Variants in STOX2 observed in about 807,000 individuals in gnomAD.
The protein encoded by STOX2 is storkhead-box protein 2.
A neutral mutation model predicts 60.9 loss-of-function variants in STOX2; 28 were observed. The ratio of observed to expected loss-of-function variants is 0.46; its 90% CI spans 0.34 to 0.63. STOX2 has a LOEUF of 0.63. STOX2 is among the 30% of genes least tolerant of loss of function. STOX2 has a pLI of 0.01. For synonymous variants in STOX2, 472 were observed against 463.9 expected (o/e 1.02, Z -0.22); for missense variants, 1,024 against 1,187.7 (o/e 0.86, Z 2.03).
At chr4:183,894,098 C>T (rs1048672613) in intron 1 of STOX2, among the ~76,000 whole-genome samples, 4 of 152,264 alleles carry the variant, frequency 2.6e-5, no homozygotes, top group East Asian at 3.9e-4. Flanking sequence ...CTGCAGTGAG[C>T]GGTGATCATG....
intron 1 of STOX2, among the ~76,000 whole-genome samples, chr4:183,962,719 C>G (rs1743448815): frequency 6.6e-6 from 1 of 152,058 alleles, no homozygotes; most frequent in African/African-American, 2.4e-5. Flanking sequence ...AGTAGCTTAG[C>G]AAAAGACTTT....
At chr4:183,973,311 A>G (rs1474558193) in intron 1 of STOX2, among the ~76,000 whole-genome samples, 1 of 152,208 alleles carries the variant, frequency 6.6e-6, no homozygotes, top group African/African-American at 2.4e-5. Context: ...AAAAATATTG[A>G]AAGCAAATAG....
intron 1 of STOX2, among the ~76,000 whole-genome samples, chr4:183,980,854 T>C (rs1010119126): frequency 6.6e-6 from 1 of 152,198 alleles, no homozygotes; most frequent in South Asian, 2.1e-4. Context: ...CATATTTTTT[T>C]CCCAATTCCA....
rs937990146 is a variant in STOX2, at chr4:184,018,593, C to T, written c.*1309C>T. ...TATGCCAGAGTAATGTTTACAGATACTTTGTAACCAATTTCAGGAGGCGTT... is the reference window on the plus strand; with the variant it reads ...TATGCCAGAGTAATGTTTACAGATATTTTGTAACCAATTTCAGGAGGCGTT... On this transcript the variant is annotated 3_prime_UTR_variant, in exon 4 of 4. Coordinates refer to ENST00000308497, the MANE Select transcript of STOX2 (RefSeq NM_020225.3). 6.6e-6 allele frequency: 1 copy of T among 152,158 alleles called. No individual in the cohort carries two copies. The allele number at this position is 152,158 out of a possible 1,614,324, so 9.4% of individuals were successfully genotyped here.
rs559394992 is a variant in STOX2, at chr4:184,002,246, A to G, written c.319+769A>G. ...ATGTTTTAATGTCTGTGTGCCAGCA[A>G]CATGCAAGTCAAATGAAATACATTA... On this transcript the variant is annotated intron_variant, in intron 2 of 3. Coordinates refer to ENST00000308497, the MANE Select transcript of STOX2 (RefSeq NM_020225.3). Among the ~76,000 whole-genome samples, 115 of 152,366 alleles carry G rather than the reference A, an allele frequency of 7.5e-4. 1 individual carries two copies. Among genetic ancestry groups the G allele is most frequent in the Non-Finnish European group, 1.2e-3 (80 of 68,030 alleles).
intron 1 of STOX2, among the ~76,000 whole-genome samples, chr4:183,893,911 G>A (rs2111185944): frequency 6.6e-6 from 1 of 152,308 alleles, no homozygotes; most frequent in South Asian, 2.1e-4. Context: ...GTTGGCTCTG[G>A]GAGGCCAAGT....
At chr4:183,989,071 AAAT>A (rs1326424325) in intron 1 of STOX2, among the ~76,000 whole-genome samples, 1 of 152,124 alleles carries the variant, frequency 6.6e-6, no homozygotes, top group Non-Finnish European at 1.5e-5. Flanking sequence ...TGCCAATAGG[AAAT>A]AATCAGACTG....
At chr4:183,861,808 C>T (rs113717175) in intron 1 of STOX2, among the ~76,000 whole-genome samples, 4 of 152,140 alleles carry the variant, frequency 2.6e-5, no homozygotes, top group African/African-American at 9.7e-5. Context: ...CGCTAATATA[C>T]CAACAACTAT....
chr4:183,881,864 T>C (rs1478638031), intron 1 of STOX2, among the ~76,000 whole-genome samples: 1 of 152,234 alleles, frequency 6.6e-6, no homozygotes, highest in Non-Finnish European at 1.5e-5. Context: ...AGAATTATCA[T>C]AGATCGAGAC....
intron 1 of STOX2, among the ~76,000 whole-genome samples, chr4:183,914,479 T>G (rs942432246): frequency 6.6e-6 from 1 of 152,052 alleles, no homozygotes; most frequent in Non-Finnish European, 1.5e-5. Flanking sequence ...CTGCAACTGA[T>G]TTTGTTGTTG....
chr4:183,936,388 C>G (rs919088182), intron 1 of STOX2, among the ~76,000 whole-genome samples: 2 of 151,274 alleles, frequency 1.3e-5, no homozygotes, highest in East Asian at 3.9e-4. Flanking sequence ...ATTTTTATTT[C>G]TCCTGTAAGG....
intron 3 of STOX2, among the ~76,000 whole-genome samples, chr4:184,012,806 T>G (rs931438126): frequency 1.3e-5 from 2 of 152,230 alleles, no homozygotes; most frequent in Admixed American, 6.5e-5. Context: ...ACTAAGTGGC[T>G]TTTCTAAGAA....
At chr4:183,924,370 C>A (rs185787247) in intron 1 of STOX2, among the ~76,000 whole-genome samples, 4 of 152,216 alleles carry the variant, frequency 2.6e-5, no homozygotes, top group Non-Finnish European at 4.4e-5. Flanking sequence ...GAGACTAGGA[C>A]ATGGGAAAGG....
rs1386858110 is a variant in STOX2 at position 184,021,158 on chromosome 4, A to C, written c.*3874A>C. ...CATTTAAAAACCAACAACAACCGATAATGACTTTGCACGATTCACTTTGGG... is the reference window on the plus strand; with the variant it reads ...CATTTAAAAACCAACAACAACCGATCATGACTTTGCACGATTCACTTTGGG... On this transcript the variant is annotated 3_prime_UTR_variant, in exon 4 of 4. Coordinates refer to ENST00000308497, the MANE Select transcript of STOX2 (RefSeq NM_020225.3). The C allele has an allele frequency of 3.3e-5, 5 of 152,248 alleles. No individual in the cohort carries two copies. The highest frequency in any genetic ancestry group is 1.5e-5 in the Non-Finnish European group (1 of 68,052). 9.4% of individuals were successfully genotyped at this position (152,248 alleles called of 1,614,324 possible). A position where few individuals can be genotyped will look rare whatever the true frequency, so the allele number is the denominator to read the frequency against.
In STOX2 at chr4:183,802,998, A is replaced by G. The variant is rs548269918; in HGVS notation, c.364+4943A>G. Among the ~76,000 whole-genome samples the G allele has an allele frequency of 2.6e-5, 4 of 152,310 alleles. No homozygotes were observed. In the East Asian group the frequency reaches 5.8e-4, roughly 22 times the overall value. On this transcript the variant is annotated intron_variant, in intron 1 of 2. Transcript: ENST00000513034. Reference sequence around the variant, plus strand: ...TTTACAAAGGAAAGAAGTTTAATGGAGAACTCACAGTTTCACATGGCTGGG... The same window carrying G: ...TTTACAAAGGAAAGAAGTTTAATGGGGAACTCACAGTTTCACATGGCTGGG...
chr4:183,879,887 A>G (rs1461721563), intron 1 of STOX2, among the ~76,000 whole-genome samples: 1 of 152,158 alleles, frequency 6.6e-6, no homozygotes, highest in Non-Finnish European at 1.5e-5. Context: ...GACATGGTGC[A>G]AATCGTACCA....
chr4:183,852,971 T>A (rs529111645), intron 1 of STOX2, among the ~76,000 whole-genome samples: 10 of 152,240 alleles, frequency 6.6e-5, no homozygotes, highest in Non-Finnish European at 1.3e-4. Context: ...GGTAGGCAAG[T>A]CATTTACTGA....
At chr4:183,909,185 T>C (rs1310516412) in intron 1 of STOX2, among the ~76,000 whole-genome samples, 2 of 152,224 alleles carry the variant, frequency 1.3e-5, no homozygotes, top group African/African-American at 4.8e-5. Flanking sequence ...TTCATCTATT[T>C]CCTTTACAAA....
intron 1 of STOX2, among the ~76,000 whole-genome samples, chr4:183,964,230 C>T (rs1299836861): frequency 2.0e-5 from 3 of 152,150 alleles, no homozygotes; most frequent in Admixed American, 6.5e-5. Context: ...TCAGTTCTTC[C>T]GATGGGGTGC....
Sources: allele counts gnomAD v4.1 joint callset (sites outside exome capture counted in the v4.1 genomes callset), GRCh38; gene constraint gnomAD v4.1.1; transcripts MANE v1.5; gene names NCBI Gene and HGNC (gene_info 2026-07-23, HGNC 2026-07-21).